Variants in LRIG2 observed in about 807,000 individuals in gnomAD.
LRIG2 encodes leucine-rich repeats and immunoglobulin-like domains protein 2.
A neutral mutation model predicts 107.8 loss-of-function variants in LRIG2; 93 were observed. That is an observed-to-expected ratio of 0.86 (90% CI 0.73 to 1.03). The LOEUF (loss-of-function observed/expected upper bound fraction) is 1.03. LRIG2 is among the 50% of genes least tolerant of loss of function. The pLI is 0.00. For synonymous variants in LRIG2, 471 were observed against 470.6 expected (o/e 1.00, Z -0.01); for missense variants, 1,226 against 1,296.0 (o/e 0.95, Z 0.83).
chr1:113,114,806 T>G lies in LRIG2; in HGVS notation c.2460T>G (p.Thr820=). 6.2e-7 allele frequency: 1 copy of G among 1,614,178 alleles called. No individual in the cohort carries two copies. The highest frequency in any genetic ancestry group is 2.2e-5 in the East Asian group (1 of 44,884). ...IIVVVCCVVG[T]SLIWVIVIYH... is the part of the protein sequence containing the mutation. ...TTGTGGTCTGCTGTGTTGTTGGCAC[T>G]TCTTTGATCTGGGTCATTGTTATTT... is the stretch of plus-strand genomic sequence containing the variant. Residue 820 remains threonine (T), a synonymous_variant, in exon 15 of 18, where the codon ACT becomes ACG. Coordinates refer to ENST00000361127, the MANE Select transcript of LRIG2 (RefSeq NM_014813.3).
chr1:113,107,831 A>T, intron 12 of LRIG2, 74 bp downstream of exon 12: 4 of 1,346,942 alleles, frequency 3.0e-6, no homozygotes, highest in South Asian at 1.4e-5. Flanking sequence ...ATTAAACCAG[A>T]ATGGTTTTCC....
chr1:113,091,231 C>CT, intron 1 of LRIG2, 87 bp from the exon 2 acceptor site: 1 of 897,302 alleles, frequency 1.1e-6, no homozygotes, highest in East Asian at 2.7e-5. Context: ...GCCAAGAGGA[C>CT]TTTTTGTATT....
At chr1:113,119,150 TGAC>T in intron 16 of LRIG2, 80 bp from the exon 17 acceptor site, 1 of 1,319,438 alleles carries the variant, frequency 7.6e-7, no homozygotes, top group Non-Finnish European at 1.1e-6. Context: ...GCAATGATGA[TGAC>T]AACTTTTGAA....
In LRIG2 at chr1:113,108,737, C is replaced by T. The variant is rs181093763; in HGVS notation, c.1477+980C>T. Among the ~76,000 whole-genome samples the T allele has an allele frequency of 1.1e-3, 160 of 151,732 alleles. 2 individuals carry two copies. The East Asian group carries it at 0.028, about 26-fold the overall frequency. On this transcript the variant is annotated intron_variant, in intron 12 of 17. Transcript: ENST00000361127. ...ACTAAAAATACAAAAATTAGCTGGG[C>T]GTGGTGGCACACGCCTGTAATCCCA... is the stretch of plus-strand genomic sequence containing the variant.
intron 15 of LRIG2, among the ~76,000 whole-genome samples, chr1:113,115,126 G>A (rs533689637): frequency 1.5e-4 from 23 of 152,298 alleles, no homozygotes; most frequent in African/African-American, 4.1e-4. Flanking sequence ...ATATGTGATA[G>A]AAGGGAGTTT....
chr1:113,094,515 T>G (rs773167368), intron 5 of LRIG2, 33 bp downstream of exon 5: 5 of 1,580,790 alleles, frequency 3.2e-6, no homozygotes, highest in Non-Finnish European at 4.3e-6. Context: ...TATAAGAAGA[T>G]AGTTTTTTCT....
chr1:113,073,488 G>T lies in LRIG2; in HGVS notation c.82G>T (p.Ala28Ser), dbSNP rs763820257. The T allele has an allele frequency of 4.3e-6, 7 of 1,614,154 alleles. No homozygotes were observed. Among genetic ancestry groups the T allele is most frequent in the East Asian group, 2.2e-5 (1 of 44,856 alleles). ...SRVLSRLLFI[A>S]QTALLLLPAA... is the part of the protein sequence containing the mutation. ...AGTGCTTTCTCGGTTACTCTTCATTGCCCAGACCGCTCTCCTCCTGTTGCC... is the reference window on the plus strand; with the variant it reads ...AGTGCTTTCTCGGTTACTCTTCATTTCCCAGACCGCTCTCCTCCTGTTGCC... The change falls in exon 1 of 18, where the codon GCC (alanine) becomes TCC (serine). Residue 28 changes from alanine to serine, a missense_variant. Coordinates refer to ENST00000361127, the MANE Select transcript of LRIG2 (RefSeq NM_014813.3).
rs1655420525 is a variant in LRIG2, at chr1:113,124,869, T to G, written c.*768T>G. The G allele has an allele frequency of 6.6e-6, 1 of 152,140 alleles. No individual in the cohort carries two copies. Among genetic ancestry groups the G allele is most frequent in the Non-Finnish European group, 1.5e-5 (1 of 68,034 alleles). 9.4% of individuals were successfully genotyped at this position (152,140 alleles called of 1,614,324 possible). A position where few individuals can be genotyped will look rare whatever the true frequency, so the allele number is the denominator to read the frequency against. ...ACTCAATTTAGTGAGATCTAAAAAT[T>G]TTATTTAAAGTATAAAAACTGTGGC... is the stretch of plus-strand genomic sequence containing the variant. On this transcript the variant is annotated 3_prime_UTR_variant, in exon 18 of 18. Coordinates refer to ENST00000361127, the MANE Select transcript of LRIG2 (RefSeq NM_014813.3).
In LRIG2 at chr1:113,128,353, T is replaced by G. The variant is rs946222540; in HGVS notation, c.*4252T>G. On this transcript the variant is annotated 3_prime_UTR_variant, in exon 18 of 18. Coordinates refer to ENST00000361127, the MANE Select transcript of LRIG2 (RefSeq NM_014813.3). ...GATTATGGTGTAGTTTGTACTAGAC[T>G]GACTCATTAAGACCTTGTACGCTTC... 6.6e-6 allele frequency: 1 copy of G among 152,188 alleles called. No homozygotes were observed. 9.4% of individuals were successfully genotyped at this position (152,188 alleles called of 1,614,324 possible).
chr1:113,080,692 T>G (rs543564699), intron 1 of LRIG2, among the ~76,000 whole-genome samples: 1 of 152,308 alleles, frequency 6.6e-6, no homozygotes, highest in East Asian at 1.9e-4. Flanking sequence ...TCTGGTCTTT[T>G]AACTATCTTA....
At chr1:113,098,915 G>A (rs1338480638) in intron 9 of LRIG2, 130 bp downstream of exon 9, 2 of 621,538 alleles carry the variant, frequency 3.2e-6, no homozygotes, top group East Asian at 2.8e-5. Context: ...GAGCTCTGTG[G>A]GGTTTCTTTG....
rs1159258959 is a variant in LRIG2 at position 113,100,232 on chromosome 1, T to G, written c.1194T>G (p.Ile398Met). ...TCAGAATCTTACAAGGAAACCAGAT[T>G]AAGTCAATTACAAAGAAAGCATTCA... ...LTKLILQGNQ[I>M]KSITKKAFIG... The change falls in exon 10 of 18, where the codon ATT (isoleucine) becomes ATG (methionine). Residue 398 changes from isoleucine to methionine, a missense_variant. By Grantham distance (10) the Ile-to-Met change is conservative. Around this residue, in one of 3 missense-constraint regions of LRIG2, gnomAD observed 570 missense variants for 550.2 expected, o/e 1.04. Coordinates refer to ENST00000361127, the MANE Select transcript of LRIG2 (RefSeq NM_014813.3). 6.3e-7 allele frequency: 1 copy of G among 1,585,800 alleles called. No homozygotes were observed. Among genetic ancestry groups the G allele is most frequent in the African/African-American group, 1.3e-5 (1 of 74,436 alleles).
chr1:113,100,126 A>G, intron 9 of LRIG2, 85 bp from the exon 10 acceptor site: 1 of 761,858 alleles, frequency 1.3e-6, no homozygotes, highest in Non-Finnish European at 2.1e-6. Context: ...CGCTACGCTT[A>G]TTTTCACTTT....
In LRIG2 at chr1:113,093,578, A is replaced by G. The variant is rs752974989; in HGVS notation, c.515+14A>G. On this transcript the variant is annotated intron_variant, in intron 4 of 17. Coordinates refer to ENST00000361127, the MANE Select transcript of LRIG2 (RefSeq NM_014813.3). ...GCTTAAATACCTGTAAGTAACACAG[A>G]TTAAATTAGATTTACTTTAAAGCAC... 6.9e-6 allele frequency: 9 copies of G among 1,311,906 alleles called. No homozygotes were observed. Among genetic ancestry groups the G allele is most frequent in the Non-Finnish European group, 8.3e-6 (8 of 961,028 alleles). The allele number at this position is 1,311,906 out of a possible 1,614,324, so 81.3% of individuals were successfully genotyped here. A position where few individuals can be genotyped will look rare whatever the true frequency, so the allele number is the denominator to read the frequency against.
chr1:113,073,263 T>C lies in LRIG2; in HGVS notation c.-144T>C, dbSNP rs1652771875. On this transcript the variant is annotated 5_prime_UTR_variant, in exon 1 of 18. Coordinates refer to ENST00000361127, the MANE Select transcript of LRIG2 (RefSeq NM_014813.3). ...GACCCCGCTGTCGCGCTGCGTCTGC[T>C]CCTTGCATGCCTTTAGATGGTACAG... 2 of 710,056 alleles carry C rather than the reference T, an allele frequency of 2.8e-6. No homozygotes were observed. The highest frequency in any genetic ancestry group is 2.4e-6 in the Non-Finnish European group (1 of 409,104). 44.0% of individuals were successfully genotyped at this position (710,056 alleles called of 1,614,324 possible). A position where few individuals can be genotyped will look rare whatever the true frequency, so the allele number is the denominator to read the frequency against.
intron 17 of LRIG2, among the ~76,000 whole-genome samples, chr1:113,122,940 C>G (rs539010707): frequency 3.4e-4 from 51 of 152,192 alleles, no homozygotes; most frequent in Non-Finnish European, 6.8e-4. Flanking sequence ...CTAGCTTTTT[C>G]TAAAATGTAC....
intron 16 of LRIG2, among the ~76,000 whole-genome samples, chr1:113,117,403 T>G (rs1278675809): frequency 6.6e-6 from 1 of 152,234 alleles, no homozygotes; most frequent in Non-Finnish European, 1.5e-5. Flanking sequence ...CTTCAGAGAC[T>G]TTTTTAGGCT....
rs1191803188 is a variant in LRIG2 at position 113,114,865 on chromosome 1, T to C, written c.2519T>C (p.Ile840Thr). The change falls in exon 15 of 18, where the codon ATC (isoleucine) becomes ACC (threonine). Residue 840 changes from isoleucine to threonine, a missense_variant. Ile to Thr is a moderately conservative substitution (Grantham distance 89). Coordinates refer to ENST00000361127, the MANE Select transcript of LRIG2 (RefSeq NM_014813.3). ...HMRRKNEDYS[I>T]TNTEELNLPA... ...AGAAGGAAAAATGAAGACTATAGTA[T>C]CACAAACACAGGTAAGTAGTACCCA... 2.5e-6 allele frequency: 4 copies of C among 1,607,444 alleles called. No individual in the cohort carries two copies. Among genetic ancestry groups the C allele is most frequent in the Admixed American group, 1.7e-5 (1 of 59,914 alleles).
In LRIG2 at chr1:113,119,394, G is replaced by A. The variant is rs745908574; in HGVS notation, c.2842G>A (p.Val948Ile). 4.3e-6 allele frequency: 7 copies of A among 1,613,888 alleles called. No homozygotes were observed. Among genetic ancestry groups the A allele is most frequent in the Non-Finnish European group, 5.1e-6 (6 of 1,180,022 alleles). The change falls in exon 17 of 18, where the codon GTA becomes ATA. Residue 948 changes from valine (V) to isoleucine (I), a missense_variant. Physicochemically the swap from Val to Ile is conservative, Grantham distance 29 (BLOSUM62 3). Transcript: ENST00000361127. The stretch of plus-strand genomic sequence containing the variant: ...CCAAATGCCTAAAGAGACATATTTA[G>A]TACATCCTCCCCAGGATACTACTGC... ...MVQMPKETYL[V>I]HPPQDTTALE...
Sources: allele counts gnomAD v4.1 joint callset (sites outside exome capture counted in the v4.1 genomes callset), GRCh38; gene constraint gnomAD v4.1.1; regional missense constraint gnomAD v4.1.1; transcripts MANE v1.5; gene names NCBI Gene and HGNC (gene_info 2026-07-23, HGNC 2026-07-21).